WWC1: variants seen among roughly 807,000 people sequenced by gnomAD.
WWC1 encodes the protein protein KIBRA.
WWC1 carries 55 observed loss-of-function variants against 138.4 expected under a neutral mutation model. The ratio of observed to expected loss-of-function variants is 0.40; its 90% CI spans 0.32 to 0.50. WWC1 has a LOEUF of 0.50. WWC1 is among the 20% of genes least tolerant of loss of function. The pLI is 0.72. For missense variants in WWC1, 1,226 were observed against 1,420.4 expected (o/e 0.86, Z 2.20); for synonymous variants, 524 against 564.9 (o/e 0.93, Z 1.03).
intron 17 of WWC1, among the ~76,000 whole-genome samples, chr5:168,447,153 G>A (rs1031610808): frequency 3.9e-5 from 6 of 152,156 alleles, no homozygotes; most frequent in Admixed American, 2.6e-4. Context: ...CTATGTCATG[G>A]GGTATTTTGC....
chr5:168,435,016 A>G (rs1782245720), intron 15 of WWC1, among the ~76,000 whole-genome samples: 1 of 152,136 alleles, frequency 6.6e-6, no homozygotes, highest in Non-Finnish European at 1.5e-5. Context: ...AAAAATGCAC[A>G]CAACCACGCT....
At chr5:168,446,232 T>TAAAAAAAA (rs60746695) in intron 17 of WWC1, among the ~76,000 whole-genome samples, 1 of 58,752 alleles carries the variant, frequency 1.7e-5, no homozygotes, top group African/African-American at 7.5e-5. Context: ...CTCCCATTAT[T>TAAAAAAAA]AAAAAAAAAA....
At chr5:168,293,346 G>T (rs1769235775) in intron 1 of WWC1, among the ~76,000 whole-genome samples, 2 of 152,170 alleles carry the variant, frequency 1.3e-5, no homozygotes, top group South Asian at 4.1e-4. Context: ...TCCCTGTAAA[G>T]CAACCAAGGT....
At chr5:168,405,719 T>G (rs1216426107) in intron 5 of WWC1, among the ~76,000 whole-genome samples, 1 of 151,506 alleles carries the variant, frequency 6.6e-6, no homozygotes, top group Non-Finnish European at 1.5e-5. Flanking sequence ...TTTTTTTCCT[T>G]TTCTTTCTTT....
At chr5:168,360,181 AT>A (rs1775780845) in intron 1 of WWC1, among the ~76,000 whole-genome samples, 1 of 152,238 alleles carries the variant, frequency 6.6e-6, no homozygotes, top group African/African-American at 2.4e-5. Context: ...TGACAGCTCC[AT>A]CAGGACTGCA....
chr5:168,295,483 C>CGTGTGTGTGT (rs3138761), intron 1 of WWC1, among the ~76,000 whole-genome samples: 6,396 of 142,472 alleles, frequency 0.045, 205 homozygotes, highest in African/African-American at 0.077. Context: ...ATTTCTACTC[C>CGTGTGTGTGT]GTGTGTGTGT....
At chr5:168,303,823 A>G (rs1050230269) in intron 1 of WWC1, among the ~76,000 whole-genome samples, 4 of 152,080 alleles carry the variant, frequency 2.6e-5, no homozygotes, top group East Asian at 1.9e-4. Flanking sequence ...CCTTCACCCC[A>G]GGGGACTTTC....
chr5:168,394,034 G>A (rs560150947), intron 3 of WWC1, among the ~76,000 whole-genome samples: 66 of 152,146 alleles, frequency 4.3e-4, no homozygotes, highest in South Asian at 6.2e-4. Context: ...ACTGAACATC[G>A]CTTTCACCAA....
Position 168,323,659 on chromosome 5 carries a change from G to A in WWC1, c.119+31388G>A, listed in dbSNP as rs529244031. Among the ~76,000 whole-genome samples, 77 of 152,246 alleles carry A rather than the reference G, an allele frequency of 5.1e-4. 3 individuals carry two copies. In the South Asian group the frequency reaches 0.015, roughly 30 times the overall value. On this transcript the variant is annotated intron_variant, in intron 1 of 22. Transcript: ENST00000265293. ...GACATTATTAATCAGTCTAAGAAAT[G>A]TGTATTTGCATTCCCATAAAAAAGG...
chr5:168,424,706 G>A (rs1781371935), intron 11 of WWC1, among the ~76,000 whole-genome samples: 1 of 152,200 alleles, frequency 6.6e-6, no homozygotes, highest in African/African-American at 2.4e-5. Context: ...GAGGTAGGGG[G>A]TTACCAGTGA....
rs1772110910 is a variant in WWC1, at chr5:168,321,591, A to G, written c.119+29320A>G. Among the ~76,000 whole-genome samples, 5 of 150,912 alleles carry G rather than the reference A, an allele frequency of 3.3e-5. No homozygotes were observed. In the South Asian group the frequency reaches 1.0e-3, roughly 32 times the overall value. ...CTCTTGTTGCCCAGGCTGGAGTGCA[A>G]TGATGACACGATCTCGGCCCACTGC... On this transcript the variant is annotated intron_variant, in intron 1 of 22. Transcript: ENST00000265293.
chr5:168,370,923 A>G lies in WWC1; in HGVS notation c.120-501A>G, dbSNP rs148237596. On this transcript the variant is annotated intron_variant, in intron 1 of 22. Coordinates refer to ENST00000265293, the MANE Select transcript of WWC1 (RefSeq NM_015238.3). ...CATTGGCCAAACTCACAGGGATGGAACATCTGCTATTCTTGATGTTGCGGC... is the reference window on the plus strand; with the variant it reads ...CATTGGCCAAACTCACAGGGATGGAGCATCTGCTATTCTTGATGTTGCGGC... Among the ~76,000 whole-genome samples the G allele has an allele frequency of 1.7e-3, 254 of 152,316 alleles. 2 individuals carry two copies. Among genetic ancestry groups the G allele is most frequent in the African/African-American group, 5.9e-3 (244 of 41,580 alleles).
intron 8 of WWC1, chr5:168,414,126 A>G (rs1780415475): frequency 1.7e-6 from 1 of 571,934 alleles, no homozygotes. Context: ...TGCCTTGTTC[A>G]TGTCTGCACC....
At chr5:168,392,344 T>C (rs1012035853) in intron 3 of WWC1, among the ~76,000 whole-genome samples, 3 of 152,102 alleles carry the variant, frequency 2.0e-5, no homozygotes, top group Non-Finnish European at 4.4e-5. Context: ...AGAGAAAAGC[T>C]GGAAAGACAC....
chr5:168,444,253 C>T (rs1484449610), intron 16 of WWC1, among the ~76,000 whole-genome samples: 1 of 152,222 alleles, frequency 6.6e-6, no homozygotes, highest in Non-Finnish European at 1.5e-5. Context: ...GGCTATCTTC[C>T]ATCACGATGC....
At chr5:168,303,129 C>T (rs768441416) in intron 1 of WWC1, among the ~76,000 whole-genome samples, 7 of 152,164 alleles carry the variant, frequency 4.6e-5, no homozygotes, top group African/African-American at 1.4e-4. Context: ...TGAAGACAAA[C>T]GAAGTAACTT....
At position 168,455,507 on chromosome 5, in the gene WWC1, A is replaced by G; in HGVS notation, c.2810A>G (p.Gln937Arg). ...SKTFSPGPQS[Q>R]YVCRLNRSDS... is the part of the protein sequence containing the mutation. ...ACCTTCTCCCCAGGACCCCAGAGCC[A>G]GTACGTGTGCCGGGTAAGTGAGCGT... is the stretch of plus-strand genomic sequence containing the variant. The change falls in exon 19 of 23, where the codon CAG becomes CGG. Residue 937 changes from glutamine to arginine, a missense_variant. Around this residue, in one of 3 missense-constraint regions of WWC1, gnomAD observed 206 missense variants for 247.4 expected, o/e 0.83. Transcript: ENST00000265293. 6.2e-7 allele frequency: 1 copy of G among 1,613,024 alleles called. No individual in the cohort carries two copies. Among genetic ancestry groups the G allele is most frequent in the Non-Finnish European group, 8.5e-7 (1 of 1,179,522 alleles).
chr5:168,452,407 C>G (rs1174933518), intron 17 of WWC1, among the ~76,000 whole-genome samples: 1 of 152,054 alleles, frequency 6.6e-6, no homozygotes, highest in African/African-American at 2.4e-5. Context: ...GGACCTCATA[C>G]GAGGATATTT....
chr5:168,315,033 C>T (rs187598416), intron 1 of WWC1, among the ~76,000 whole-genome samples: 296 of 152,314 alleles, frequency 1.9e-3, no homozygotes, highest in Non-Finnish European at 3.5e-3. Flanking sequence ...CTGACACCCC[C>T]CAGATTCATT....
Sources: gnomAD v4.1 joint callset for allele counts (sites outside exome capture counted in the v4.1 genomes callset) on GRCh38, gnomAD v4.1.1 for gene constraint, gnomAD v4.1.1 regional missense constraint, MANE v1.5 for transcripts, NCBI Gene and HGNC (gene_info 2026-07-23, HGNC 2026-07-21) for gene names.